The following SPRR2G variants were observed in gnomAD, a reference collection of about 807,000 sequenced individuals.
SPRR2G encodes small proline-rich protein 2G.
In SPRR2G, 1 loss-of-function variant was observed where a neutral mutation model predicts 0.7. That is an observed-to-expected ratio of 1.49 (90% CI 0.53 to 7.06). SPRR2G has a LOEUF of 7.06. Among genes scored for constraint, SPRR2G ranks in the 30% most tolerant of loss-of-function variants. SPRR2G has a pLI of 0.14. For synonymous variants in SPRR2G, 38 were observed against 33.9 expected (o/e 1.12, Z -0.42); for missense variants, 96 against 88.5 (o/e 1.09, Z -0.34).
chr1:153,167,496 GAAAAA>G, the SPRR2G span, among the ~76,000 whole-genome samples: 6 of 151,970 alleles, frequency 3.9e-5, no homozygotes, highest in African/African-American at 1.2e-4. Context: ...AAAAGAAAAA[GAAAAA>G]GAAATCTCTA....
At chr1:153,193,998 C>A in the SPRR2G span, among the ~76,000 whole-genome samples, 1 of 152,244 alleles carries the variant, frequency 6.6e-6, no homozygotes, top group East Asian at 1.9e-4. Context: ...AGATCACAGA[C>A]ATGATTCTCT....
At chr1:153,184,909 C>T in the SPRR2G span, among the ~76,000 whole-genome samples, 1 of 152,140 alleles carries the variant, frequency 6.6e-6, no homozygotes, top group Non-Finnish European at 1.5e-5. Flanking sequence ...GTGTTTTTAT[C>T]GTGAAGGGGT....
the SPRR2G span, among the ~76,000 whole-genome samples, chr1:153,168,812 T>C: frequency 2.0e-5 from 3 of 152,066 alleles, no homozygotes; most frequent in Non-Finnish European, 4.4e-5. Context: ...TCTTGGTCAA[T>C]GTGCAATTTG....
At chr1:153,173,556 T>C in the SPRR2G span, among the ~76,000 whole-genome samples, 4 of 152,334 alleles carry the variant, frequency 2.6e-5, no homozygotes, top group African/African-American at 9.6e-5. Flanking sequence ...CTGCTTGAAG[T>C]CTGTCCACAA....
the SPRR2G span, among the ~76,000 whole-genome samples, chr1:153,200,825 G>A: frequency 2.0e-5 from 3 of 151,606 alleles, no homozygotes; most frequent in East Asian, 2.0e-4. Context: ...TCAGCCTCCC[G>A]AGTAGCTGGG....
chr1:153,166,630 C>T, the SPRR2G span, among the ~76,000 whole-genome samples: 1 of 152,194 alleles, frequency 6.6e-6, no homozygotes, highest in Non-Finnish European at 1.5e-5. Context: ...GTAGAAGCAA[C>T]ACATTTCACA....
chr1:153,160,387 T>C, the SPRR2G span, among the ~76,000 whole-genome samples: 2 of 152,226 alleles, frequency 1.3e-5, no homozygotes, highest in Non-Finnish European at 2.9e-5. Flanking sequence ...CAGCTATCTC[T>C]TAGAGATCTT....
chr1:153,164,673 C>T, the SPRR2G span, among the ~76,000 whole-genome samples: 817 of 152,244 alleles, frequency 5.4e-3, 12 homozygotes, highest in Middle Eastern at 0.02. Context: ...ACTTATAATA[C>T]CTAATACGAT....
chr1:153,159,992 T>G, the SPRR2G span, among the ~76,000 whole-genome samples: 1 of 152,238 alleles, frequency 6.6e-6, no homozygotes, highest in African/African-American at 2.4e-5. Context: ...GGTATTATAT[T>G]GCACAGCAGG....
chr1:153,200,700 ATTTT>A, the SPRR2G span, among the ~76,000 whole-genome samples: 1 of 138,408 alleles, frequency 7.2e-6, no homozygotes. Flanking sequence ...TGAAAGCAGG[ATTTT>A]TTTTTTTTTT....
the SPRR2G span, among the ~76,000 whole-genome samples, chr1:153,181,198 A>G: frequency 2.0e-5 from 3 of 152,100 alleles, no homozygotes; most frequent in African/African-American, 7.2e-5. Flanking sequence ...AATCTTTCCT[A>G]TTGACAAGAT....
At chr1:153,188,608 T>C in the SPRR2G span, among the ~76,000 whole-genome samples, 1 of 152,158 alleles carries the variant, frequency 6.6e-6, no homozygotes, top group East Asian at 1.9e-4. Flanking sequence ...GTTCTTAGCT[T>C]GCTGGGCTCC....
the SPRR2G span, among the ~76,000 whole-genome samples, chr1:153,202,205 C>T: frequency 2.6e-5 from 4 of 152,226 alleles, no homozygotes; most frequent in African/African-American, 7.2e-5. Flanking sequence ...CAAATTTCCA[C>T]TGCATGTTTC....
At chr1:153,188,687 C>T in the SPRR2G span, among the ~76,000 whole-genome samples, 6 of 152,138 alleles carry the variant, frequency 3.9e-5, no homozygotes, top group Non-Finnish European at 5.9e-5. Context: ...GTGAACAGCT[C>T]TGTCTCACTG....
rs1381348834 is a variant in SPRR2G, at chr1:153,150,009, C to T, written c.102G>A (p.Glu34=). 1 of 1,613,840 alleles carries T rather than the reference C, an allele frequency of 6.2e-7. No homozygotes were observed. The highest frequency in any genetic ancestry group is 8.5e-7 in the Non-Finnish European group (1 of 1,179,932). Residue 34 remains glutamate, a synonymous_variant, in exon 2 of 2, where the codon GAG becomes GAA. Transcript: ENST00000368748. ...PEPCPPPKCP[E]PYLPPPCPPE... ...GTGGACAAGGAGGAGGCAGGTAAGG[C>T]TCAGGGCACTTCGGGGGTGGACATG...
chr1:153,160,364 G>C, the SPRR2G span, among the ~76,000 whole-genome samples: 1 of 152,164 alleles, frequency 6.6e-6, no homozygotes, highest in Non-Finnish European at 1.5e-5. Flanking sequence ...ATGCTGCAAT[G>C]AACATGAGAA....
chr1:153,198,788 A>G, the SPRR2G span, among the ~76,000 whole-genome samples: 1 of 152,212 alleles, frequency 6.6e-6, no homozygotes, highest in African/African-American at 2.4e-5. Context: ...ATTGGGACCT[A>G]AAGCTCAGGG....
At chr1:153,193,077 G>T in the SPRR2G span, among the ~76,000 whole-genome samples, 1 of 152,100 alleles carries the variant, frequency 6.6e-6, no homozygotes, top group East Asian at 1.9e-4. Context: ...AGTCTTGGTG[G>T]TGAAGAGAAG....
the SPRR2G span, chr1:153,174,648 G>A: frequency 6.6e-6 from 1 of 152,228 alleles, no homozygotes; most frequent in African/African-American, 2.4e-5. Flanking sequence ...AACAGACTGT[G>A]AGATTTACTT....
Sources: gnomAD v4.1 joint callset for allele counts (sites outside exome capture counted in the v4.1 genomes callset) on GRCh38, gnomAD v4.1.1 for gene constraint, MANE v1.5 for transcripts, NCBI Gene and HGNC (gene_info 2026-07-23, HGNC 2026-07-21) for gene names.